C14orf39: variants seen among roughly 807,000 people sequenced by gnomAD.
The protein encoded by C14orf39 is chromosome 14 open reading frame 39.
In C14orf39, 66 loss-of-function variants were observed where a neutral mutation model predicts 85.6. The observed-to-expected ratio is 0.77, with a 90% CI of 0.63 to 0.95. The LOEUF (loss-of-function observed/expected upper bound fraction) is 0.95, where lower values mean the gene tolerates loss of function less well. Ranked by LOEUF, C14orf39 falls within the 40% of genes least tolerant of loss-of-function variation. The pLI, the probability that C14orf39 is intolerant of heterozygous loss-of-function variation, is 0.00. For synonymous variants in C14orf39, 242 were observed against 214.0 expected (o/e 1.13, Z -1.14); for missense variants, 735 against 663.9 (o/e 1.11, Z -1.18).
At chr14:60,509,605 G>T (rs764765669) in intron 1 of C14orf39, 2 of 1,613,580 alleles carry the variant, frequency 1.2e-6, no homozygotes, top group Non-Finnish European at 1.7e-6. Context: ...ACTACCGCGA[G>T]CTCTATCATA....
chr14:60,476,012 A>G (rs1892358438), intron 5 of C14orf39, among the ~76,000 whole-genome samples: 1 of 152,192 alleles, frequency 6.6e-6, no homozygotes, highest in Non-Finnish European at 1.5e-5. Context: ...AAAAGTAAGG[A>G]TAACAGCCCT....
At chr14:60,506,985 A>T (rs532624232) in intron 1 of C14orf39, among the ~76,000 whole-genome samples, 21 of 152,274 alleles carry the variant, frequency 1.4e-4, no homozygotes, top group African/African-American at 4.3e-4. Context: ...CAAACTGTCC[A>T]GTAAAAGGGC....
rs142314591 is a variant in C14orf39, at chr14:60,476,657, T to A, written c.323+1643A>T. ...AAGTACATATTTTAACTGGTTTGCT[T>A]TAGCCTCTCACAGAATCATTTTTAA... On this transcript the variant is annotated intron_variant, in intron 5 of 17. Coordinates refer to ENST00000321731, the MANE Select transcript of C14orf39 (RefSeq NM_174978.3). 9.2e-5 allele frequency among the ~76,000 whole-genome samples: 14 copies of A among 152,328 alleles called. No individual in the cohort carries two copies. The East Asian group carries it at 2.7e-3, about 29-fold the overall frequency.
intron 13 of C14orf39, 120 bp from the exon 14 acceptor site, chr14:60,458,859 C>T (rs959330772): frequency 7.3e-6 from 5 of 681,056 alleles, no homozygotes; most frequent in Non-Finnish European, 1.2e-5. Flanking sequence ...ATGGCAACTT[C>T]ATATGGTTCA....
At position 60,468,482 on chromosome 14, in the gene C14orf39, T is replaced by G; in HGVS notation, c.730A>C (p.Asn244His). Reference protein sequence around the residue: ...KALSETLEEKNKNTENRKELK... With the variant: ...KALSETLEEKHKNTENRKELK... ...TCTTTTCTGTTTTCTGTATTTTTGT[T>G]CTTTTCTTCCAGAGTTTCTGAAAGA... Residue 244 changes from asparagine (N) to histidine (H), a missense_variant, in exon 9 of 18, where the codon AAC becomes CAC. Coordinates refer to ENST00000321731, the MANE Select transcript of C14orf39 (RefSeq NM_174978.3). 1.3e-6 allele frequency: 2 copies of G among 1,599,300 alleles called. No individual in the cohort carries two copies. The highest frequency in any genetic ancestry group is 1.7e-6 in the Non-Finnish European group (2 of 1,171,936).
In C14orf39 at chr14:60,483,783, A is replaced by T. The variant is rs377434310; in HGVS notation, c.141T>A (p.Thr47=). Residue 47 remains threonine (T), a synonymous_variant, in exon 4 of 18, where the codon ACT becomes ACA. Coordinates refer to ENST00000321731, the MANE Select transcript of C14orf39 (RefSeq NM_174978.3). Reference sequence around the variant, plus strand: ...TTATAGTTTCGTGTATCCTACAAATAGTTACTTTGTTTTCCTTAATATCTT... The same window carrying T: ...TTATAGTTTCGTGTATCCTACAAATTGTTACTTTGTTTTCCTTAATATCTT... ...CCEDIKENKV[T]ICRIHETINA... The T allele has an allele frequency of 9.7e-5, 149 of 1,543,076 alleles. No individual in the cohort carries two copies. Among genetic ancestry groups the T allele is most frequent in the Non-Finnish European group, 1.3e-4 (145 of 1,120,414 alleles).
chr14:60,459,236 A>G (rs1013019144), intron 13 of C14orf39, among the ~76,000 whole-genome samples: 1 of 151,700 alleles, frequency 6.6e-6, no homozygotes, highest in Non-Finnish European at 1.5e-5. Flanking sequence ...ATTTTTACTG[A>G]TGTAAAGTAT....
chr14:60,500,076 G>T (rs1893118872), intron 1 of C14orf39, among the ~76,000 whole-genome samples: 1 of 152,166 alleles, frequency 6.6e-6, no homozygotes, highest in Non-Finnish European at 1.5e-5. Flanking sequence ...TGCCCAGGCT[G>T]CAGTGCAATG....
intron 2 of C14orf39, chr14:60,496,049 G>A: frequency 1.3e-6 from 1 of 770,406 alleles, no homozygotes; most frequent in Non-Finnish European, 2.1e-6. Flanking sequence ...GAGGTAGCTT[G>A]GCTTGTTTCA....
chr14:60,441,974 A>G lies in C14orf39; in HGVS notation c.1561+100T>C, dbSNP rs578022839. 18 of 754,420 alleles carry G rather than the reference A, an allele frequency of 2.4e-5. No homozygotes were observed. In the Admixed American group the frequency reaches 2.6e-4, roughly 11 times the overall value. 46.7% of individuals were successfully genotyped at this position (754,420 alleles called of 1,614,324 possible). Reference sequence around the variant, plus strand: ...TAGTGCAGAAGTAACAGTAATTTCTAAAGAATAAATTGAGCACCTAAGAAA... The same window carrying G: ...TAGTGCAGAAGTAACAGTAATTTCTGAAGAATAAATTGAGCACCTAAGAAA... On this transcript the variant is annotated intron_variant, in intron 17 of 17. Transcript: ENST00000321731.
At chr14:60,505,966 G>A (rs1347060321) in intron 1 of C14orf39, among the ~76,000 whole-genome samples, 2 of 152,192 alleles carry the variant, frequency 1.3e-5, no homozygotes, top group Admixed American at 6.5e-5. Context: ...TTTCCGGCAT[G>A]AGCCTCAGAA....
At chr14:60,455,285 A>T in intron 15 of C14orf39, 140 bp from the exon 16 acceptor site, 1 of 561,188 alleles carries the variant, frequency 1.8e-6, no homozygotes, top group Non-Finnish European at 3.0e-6. Flanking sequence ...TGACAATCCT[A>T]TCGAGAAAGG....
intron 16 of C14orf39, among the ~76,000 whole-genome samples, chr14:60,444,348 A>T (rs1039906168): frequency 2.0e-5 from 3 of 151,954 alleles, no homozygotes; most frequent in African/African-American, 7.2e-5. Flanking sequence ...CGTAGAGAAG[A>T]CTTTAAATGG....
intron 14 of C14orf39, among the ~76,000 whole-genome samples, chr14:60,458,303 C>A (rs1457436810): frequency 6.6e-6 from 1 of 151,848 alleles, no homozygotes; most frequent in Non-Finnish European, 1.5e-5. Context: ...CTCTGGTAAC[C>A]ACCAATCTAT....
At chr14:60,510,083 C>T (rs565190598) in intron 1 of C14orf39, 9 of 971,672 alleles carry the variant, frequency 9.3e-6, no homozygotes, top group Non-Finnish European at 1.4e-5. Context: ...GAGTTGGGAG[C>T]GCGGTCTGTC....
chr14:60,442,359 C>A (rs1412785761), intron 16 of C14orf39, among the ~76,000 whole-genome samples: 1 of 152,118 alleles, frequency 6.6e-6, no homozygotes, highest in Non-Finnish European at 1.5e-5. Context: ...ATACACTGTA[C>A]TAAAGATAGC....
chr14:60,495,748 C>A, intron 2 of C14orf39: 1 of 235,704 alleles, frequency 4.2e-6, no homozygotes, highest in Non-Finnish European at 8.5e-6. Flanking sequence ...AGCTATCAGT[C>A]CCCAAAAGCT....
intron 16 of C14orf39, among the ~76,000 whole-genome samples, chr14:60,449,379 G>A (rs1357192534): frequency 1.3e-5 from 2 of 152,052 alleles, no homozygotes; most frequent in Admixed American, 6.5e-5. Context: ...GACGTACAGT[G>A]TAAGATGAAT....
intron 2 of C14orf39, among the ~76,000 whole-genome samples, chr14:60,498,781 T>A (rs1320320871): frequency 6.6e-6 from 1 of 152,242 alleles, no homozygotes; most frequent in Non-Finnish European, 1.5e-5. Context: ...AGTCATTTCA[T>A]GTATTTGAAC....
Sources: gnomAD v4.1 joint callset for allele counts (sites outside exome capture counted in the v4.1 genomes callset) on GRCh38, gnomAD v4.1.1 for gene constraint, MANE v1.5 for transcripts, NCBI Gene and HGNC (gene_info 2026-07-23, HGNC 2026-07-21) for gene names.